The following ZNF790 variants were observed in gnomAD, a reference collection of about 807,000 sequenced individuals.
The protein encoded by ZNF790 is zinc finger protein 790.
Under a neutral mutation model 12.1 loss-of-function variants are expected in ZNF790, and 8 were observed. The ratio of observed to expected loss-of-function variants is 0.66; its 90% CI spans 0.39 to 1.19. The LOEUF (loss-of-function observed/expected upper bound fraction) is 1.19, where lower values mean the gene tolerates loss of function less well. Among genes scored for constraint, ZNF790 ranks in the 50% most tolerant of loss-of-function variants. The pLI is 0.01. For synonymous variants in ZNF790, 252 were observed against 244.3 expected (o/e 1.03, Z -0.29); for missense variants, 707 against 752.2 (o/e 0.94, Z 0.70).
intron 1 of ZNF790, among the ~76,000 whole-genome samples, chr19:36,830,494 G>A (rs999705721): frequency 5.3e-5 from 8 of 152,070 alleles, no homozygotes; most frequent in African/African-American, 9.7e-5. Context: ...ACTTTGTCTC[G>A]TTTCAGTATC....
At chr19:36,841,111 G>A (rs1399121506), upstream of ZNF790, among the ~76,000 whole-genome samples, 7 of 152,196 alleles carry the variant, frequency 4.6e-5, no homozygotes. Flanking sequence ...TTCTCCAGGA[G>A]ATATACAGCA....
At position 36,818,913 on chromosome 19, in the gene ZNF790, G is replaced by A. The variant is rs1555713810; in HGVS notation, c.1431C>T (p.Asn477=). 2 of 1,610,446 alleles carry A rather than the reference G, an allele frequency of 1.2e-6. No homozygotes were observed. The highest frequency in any genetic ancestry group is 1.7e-6 in the Non-Finnish European group (2 of 1,177,682). Reference sequence around the variant, plus strand: ...TCTTTCCACATTCCTTACATTCATAGTTTCTCTCACCAGTATGAATTTTCT... The same window carrying A: ...TCTTTCCACATTCCTTACATTCATAATTTCTCTCACCAGTATGAATTTTCT... The part of the protein sequence containing the change: ...RHQKIHTGER[N]YECKECGKTF... Residue 477 remains asparagine, a synonymous_variant, in exon 5 of 5, where the codon AAC becomes AAT. Transcript: ENST00000356725.
In ZNF790 at chr19:36,819,393, C is replaced by T. The variant is rs780532591; in HGVS notation, c.951G>A (p.Lys317=). 1 of 1,612,714 alleles carries T rather than the reference C, an allele frequency of 6.2e-7. No individual in the cohort carries two copies. The change falls in exon 5 of 5, where the codon AAG becomes AAA. Residue 317 remains lysine (K), a synonymous_variant. Coordinates refer to ENST00000356725, the MANE Select transcript of ZNF790 (RefSeq NM_206894.4). The stretch of plus-strand genomic sequence containing the variant: ...TAAGATGTGATCGCTGACTAAAGGC[C>T]TTTCTACATTCATTACATTCATAGG... ...EKPYECNECR[K]AFSQRSHLIK... is the part of the protein sequence containing the mutation.
In ZNF790 at chr19:36,819,308, CT is replaced by C; in HGVS notation, c.1035del (p.Ala346LeufsTer8). ...GTTAGGTGTGATCCACGAGTAAAAG[CT>C]TTCCCACACTCCTTACATTCATAAG... ...EKPYECKECG[K>X]AFTRGSHLTQ... On this transcript the variant is annotated frameshift_variant, in exon 5 of 5. Transcript: ENST00000356725. LOFTEE classifies it low-confidence loss of function (END_TRUNC). 1 of 1,610,434 alleles carries C rather than the reference CT, an allele frequency of 6.2e-7. No individual in the cohort carries two copies. The highest frequency in any genetic ancestry group is 8.5e-7 in the Non-Finnish European group (1 of 1,177,950).
chr19:36,836,590 C>G (rs2072051292), intron 1 of ZNF790, among the ~76,000 whole-genome samples: 2 of 152,120 alleles, frequency 1.3e-5, no homozygotes, highest in African/African-American at 4.8e-5. Flanking sequence ...AACCCCATCT[C>G]TACTAAAAAT....
chr19:36,827,165 T>C (rs1188248055), intron 1 of ZNF790, among the ~76,000 whole-genome samples: 1,675 of 129,258 alleles, frequency 0.013, 71 homozygotes, highest in African/African-American at 0.043. Context: ...TATATATATA[T>C]ATATATATAT....
rs1491245613 is a variant in ZNF790, at chr19:36,838,106, G to GCGCACACA, written c.-74+230_-74+231insTGTGTGCG. On this transcript the variant is annotated intron_variant, in intron 1 of 4. Transcript: ENST00000356725. The surrounding 1 kb of genome is among the most constrained non-coding windows in gnomAD (Gnocchi z 4.4). ...CTGTCAACGTCGTGTGCGCGTGCGC[G>GCGCACACA]CACACACACACACACACACACATAC... The GCGCACACA allele has an allele frequency of 4.0e-5, 3 of 75,122 alleles. No individual in the cohort carries two copies. Among genetic ancestry groups the GCGCACACA allele is most frequent in the African/African-American group, 2.0e-4 (3 of 14,668 alleles). The allele number at this position is 75,122 out of a possible 1,614,324, so 4.7% of individuals were successfully genotyped here. A position where few individuals can be genotyped will look rare whatever the true frequency, so the allele number is the denominator to read the frequency against.
chr19:36,827,102 G>GTA (rs771563050), intron 1 of ZNF790, among the ~76,000 whole-genome samples: 5 of 99,516 alleles, frequency 5.0e-5, no homozygotes, highest in Non-Finnish European at 1.1e-4. Context: ...GTGTGTGTGT[G>GTA]TATATATATA....
At chr19:36,850,673 C>T (rs1372028319), upstream of ZNF790, 1 of 152,212 alleles carries the variant, frequency 6.6e-6, no homozygotes, top group Non-Finnish European at 1.5e-5. Context: ...AGGTGAGACT[C>T]CCGGAAGGCT....
chr19:36,850,619 G>A (rs978599267), upstream of ZNF790: 12 of 152,240 alleles, frequency 7.9e-5, no homozygotes, highest in Admixed American at 5.9e-4. Flanking sequence ...AGCAAAAAGG[G>A]CTCAGAGGAG....
intron 4 of ZNF790, 27 bp downstream of exon 4, chr19:36,823,258 C>G: frequency 6.3e-7 from 1 of 1,592,494 alleles, no homozygotes; most frequent in South Asian, 1.1e-5. Context: ...ACAATGGCCT[C>G]CTTGTGCGTG....
upstream of ZNF790, among the ~76,000 whole-genome samples, chr19:36,841,348 G>T (rs1278381228): frequency 1.3e-5 from 2 of 152,184 alleles, no homozygotes; most frequent in Admixed American, 1.3e-4. Context: ...GGCTGGGCAC[G>T]GTGGGTCATG....
intron 1 of ZNF790, among the ~76,000 whole-genome samples, chr19:36,846,571 A>G (rs1278229607): frequency 6.6e-6 from 1 of 152,212 alleles, no homozygotes; most frequent in East Asian, 1.9e-4. Flanking sequence ...CTCAAAAAAA[A>G]AAAGAGCTCA....
Position 36,819,070 on chromosome 19 carries a change from T to G in ZNF790, c.1274A>C (p.Lys425Thr). 6.2e-7 allele frequency: 1 copy of G among 1,614,082 alleles called. No individual in the cohort carries two copies. Among genetic ancestry groups the G allele is most frequent in the East Asian group, 2.2e-5 (1 of 44,868 alleles). The change falls in exon 5 of 5, where the codon AAG (lysine) becomes ACG (threonine). Residue 425 changes from lysine to threonine, a missense_variant. By Grantham distance (78) the Lys-to-Thr change is moderately conservative. Coordinates refer to ENST00000356725, the MANE Select transcript of ZNF790 (RefSeq NM_206894.4). ...IHTGRKPYEC[K>T]QCGKTFTWAS... ...CCAAGTAAAAGTCTTCCCGCATTGCTTACATTCATAAGGTTTCCTGCCAGT... is the reference window on the plus strand; with the variant it reads ...CCAAGTAAAAGTCTTCCCGCATTGCGTACATTCATAAGGTTTCCTGCCAGT...
chr19:36,848,325 A>G (rs2072198613), intron 1 of ZNF790, among the ~76,000 whole-genome samples: 1 of 152,220 alleles, frequency 6.6e-6, no homozygotes, highest in South Asian at 2.1e-4. Context: ...CTCATCACCA[A>G]TCGCTGCTGA....
rs543453622 is a variant in ZNF790 at position 36,826,628 on chromosome 19, A to AT, written c.-73-937dup. 2.5e-3 allele frequency among the ~76,000 whole-genome samples: 362 copies of AT among 147,310 alleles called. 13 individuals carry two copies. In the South Asian group the frequency reaches 0.055, roughly 22 times the overall value. On this transcript the variant is annotated intron_variant, in intron 1 of 4. Transcript: ENST00000356725. ...GATAATTTTATAATTATCTATAATT[A>AT]TATATATAATAAAAATTATATATAT...
chr19:36,823,885 T>C (rs1370790379), intron 2 of ZNF790, 95 bp from the exon 3 acceptor site: 15 of 1,177,562 alleles, frequency 1.3e-5, no homozygotes, highest in Non-Finnish European at 1.7e-5. Context: ...AAAGGGGCAC[T>C]GCAGGGAGTG....
chr19:36,819,157 C>T lies in ZNF790; in HGVS notation c.1187G>A (p.Cys396Tyr), dbSNP rs2071609089. The change falls in exon 5 of 5, where the codon TGT becomes TAT. Residue 396 changes from cysteine (C) to tyrosine (Y), a missense_variant. By Grantham distance (194) the Cys-to-Tyr change is radical. Transcript: ENST00000356725. Reference sequence around the variant, plus strand: ...AATATAGGCTTTCCCACATTTCTCACATTTATAAGGTTTCCTACCAACATG... The same window carrying T: ...AATATAGGCTTTCCCACATTTCTCATATTTATAAGGTTTCCTACCAACATG... ...NVHVGRKPYKCEKCGKAYIWS... is the reference protein window; with the variant it reads ...NVHVGRKPYKYEKCGKAYIWS... 1 of 1,613,728 alleles carries T rather than the reference C, an allele frequency of 6.2e-7. No homozygotes were observed. Among genetic ancestry groups the T allele is most frequent in the Non-Finnish European group, 8.5e-7 (1 of 1,179,896 alleles).
Position 36,819,100 on chromosome 19 carries a change from A to G in ZNF790, c.1244T>C (p.Ile415Thr). 6.2e-7 allele frequency: 1 copy of G among 1,613,698 alleles called. No individual in the cohort carries two copies. Among genetic ancestry groups the G allele is most frequent in the Non-Finnish European group, 8.5e-7 (1 of 1,179,778 alleles). The change falls in exon 5 of 5, where the codon ATT becomes ACT. Residue 415 changes from isoleucine to threonine, a missense_variant. Ile to Thr is a moderately conservative substitution (Grantham distance 89, BLOSUM62 -1). Transcript: ENST00000356725. ...TTCATAAGGTTTCCTGCCAGTATGA[A>G]TTCGCTGATGTCGAGCAAGGTGTGA... is the stretch of plus-strand genomic sequence containing the variant. Reference protein sequence around the residue: ...WSSHLARHQRIHTGRKPYECK... With the variant: ...WSSHLARHQRTHTGRKPYECK...
Sources: gnomAD v4.1 joint callset for allele counts (sites outside exome capture counted in the v4.1 genomes callset) on GRCh38, gnomAD v4.1.1 for gene constraint, Gnocchi (gnomAD v3.1) non-coding constraint, MANE v1.5 for transcripts, NCBI Gene and HGNC (gene_info 2026-07-23, HGNC 2026-07-21) for gene names.